TXNDC8: variants seen among roughly 807,000 people sequenced by gnomAD.
The protein encoded by TXNDC8 is thioredoxin domain containing 8, also known as thioredoxin domain-containing protein 8.
In TXNDC8, 15 loss-of-function variants were observed where a neutral mutation model predicts 12.9. That is an observed-to-expected ratio of 1.16 (90% confidence interval 0.78 to 1.79). The LOEUF (loss-of-function observed/expected upper bound fraction) is 1.79. TXNDC8 is among the 40% of genes most tolerant of loss of function. The pLI is 0.00. For missense variants in TXNDC8, 128 were observed against 113.2 expected (o/e 1.13, Z -0.59); for synonymous variants, 40 against 35.4 (o/e 1.13, Z -0.46).
intron 2 of TXNDC8, among the ~76,000 whole-genome samples, chr9:110,328,027 A>T (rs763813328): frequency 2.6e-5 from 4 of 152,214 alleles, no homozygotes; most frequent in African/African-American, 4.8e-5. Context: ...GGGAACTTCT[A>T]TTATGCTCTG....
At chr9:110,309,484 C>A (rs187437301) in intron 3 of TXNDC8, among the ~76,000 whole-genome samples, 1 of 152,254 alleles carries the variant, frequency 6.6e-6, no homozygotes, top group African/African-American at 2.4e-5. Context: ...TACAGGCATG[C>A]ACCACCATGC....
chr9:110,323,454 G>T (rs972100146), intron 3 of TXNDC8: 15 of 517,332 alleles, frequency 2.9e-5, no homozygotes, highest in Non-Finnish European at 3.7e-5. Flanking sequence ...TAAATTAGGT[G>T]CAGGGAGATC....
At position 110,305,147 on chromosome 9, in the gene TXNDC8, CAAA is replaced by C. The variant is rs769344640; in HGVS notation, c.196-618_196-616del. Among the ~76,000 whole-genome samples, 7 of 57,116 alleles carry C rather than the reference CAAA, an allele frequency of 1.2e-4. No homozygotes were observed. The East Asian group carries it at 2.2e-3, about 18-fold the overall frequency. The allele number at this position is 57,116 out of a possible 152,430, so 37.5% of individuals were successfully genotyped here. On this transcript the variant is annotated intron_variant, in intron 3 of 4. Coordinates refer to ENST00000423740, the MANE Select transcript of TXNDC8 (RefSeq NM_001286946.2). ...TGGGTGACAGAGAGAGATTCTGTCT[CAAA>C]AAAAAAAAAAAAAAAAAAAAGGAAT...
chr9:110,322,443 A>T (rs1227516741), intron 3 of TXNDC8: 1 of 985,322 alleles, frequency 1.0e-6, no homozygotes, highest in Non-Finnish European at 1.2e-6. Flanking sequence ...AAAGAGATAC[A>T]TATCCATTAG....
chr9:110,322,248 C>T (rs946735190), intron 3 of TXNDC8, among the ~76,000 whole-genome samples: 2 of 151,752 alleles, frequency 1.3e-5, no homozygotes, highest in Admixed American at 6.6e-5. Context: ...TAAATTGAAT[C>T]CTCAATAAAA....
intron 3 of TXNDC8, among the ~76,000 whole-genome samples, chr9:110,322,234 A>G (rs1839130249): frequency 6.6e-6 from 1 of 152,032 alleles, no homozygotes; most frequent in Non-Finnish European, 1.5e-5. Flanking sequence ...CTAATATTCA[A>G]TGATAAATTG....
chr9:110,326,142 A>G (rs745890812), intron 3 of TXNDC8, 33 bp downstream of exon 4: 1 of 1,612,302 alleles, frequency 6.2e-7, no homozygotes, highest in Non-Finnish European at 8.5e-7. Flanking sequence ...TCTATAATCT[A>G]ATTCAACCCT....
intron 1 of TXNDC8, among the ~76,000 whole-genome samples, chr9:110,334,748 G>C (rs1301370296): frequency 6.6e-6 from 1 of 152,196 alleles, no homozygotes; most frequent in East Asian, 1.9e-4. Context: ...AGGGATGGGG[G>C]CTGGAGGGTG....
chr9:110,308,647 T>G (rs886271353), intron 3 of TXNDC8, among the ~76,000 whole-genome samples: 2 of 152,048 alleles, frequency 1.3e-5, no homozygotes, highest in Non-Finnish European at 2.9e-5. Context: ...ATGCACTTGG[T>G]TTCTGTGTTT....
intron 2 of TXNDC8, among the ~76,000 whole-genome samples, chr9:110,332,716 A>G (rs774494321): frequency 1.2e-4 from 19 of 152,222 alleles, no homozygotes; most frequent in Non-Finnish European, 2.1e-4. Flanking sequence ...ATAAAATGTT[A>G]AAAACTGTTA....
chr9:110,332,442 T>C (rs1326205639), intron 2 of TXNDC8, among the ~76,000 whole-genome samples: 1 of 152,218 alleles, frequency 6.6e-6, no homozygotes, highest in Non-Finnish European at 1.5e-5. Context: ...TATAAGTTCA[T>C]TTTGAATTAA....
chr9:110,325,677 C>A (rs960606522), intron 3 of TXNDC8, among the ~76,000 whole-genome samples: 1 of 152,038 alleles, frequency 6.6e-6, no homozygotes, highest in Non-Finnish European at 1.5e-5. Flanking sequence ...CCCGCCACCA[C>A]GCCTGGCTAA....
chr9:110,329,287 A>T, intron 2 of TXNDC8: 1 of 1,605,900 alleles, frequency 6.2e-7, no homozygotes, highest in Non-Finnish European at 8.5e-7. Context: ...TTTCACAGAC[A>T]TAGCCTTCAA....
intron 3 of TXNDC8, among the ~76,000 whole-genome samples, chr9:110,305,582 CTT>C (rs1256694635): frequency 7.1e-6 from 1 of 140,328 alleles, no homozygotes; most frequent in African/African-American, 2.9e-5. Flanking sequence ...TTCTTTCTTT[CTT>C]TCTTTCTTTC....
At chr9:110,306,351 A>G (rs987619999) in intron 3 of TXNDC8, among the ~76,000 whole-genome samples, 1 of 152,172 alleles carries the variant, frequency 6.6e-6, no homozygotes, top group Admixed American at 6.5e-5. Flanking sequence ...GACTTTAGCA[A>G]TGGCTATATA....
At chr9:110,327,055 G>A (rs1482186270) in intron 2 of TXNDC8, among the ~76,000 whole-genome samples, 9 of 151,060 alleles carry the variant, frequency 6.0e-5, no homozygotes, top group South Asian at 4.2e-4. Context: ...AGACAATTAC[G>A]CATTTTGTTT....
chr9:110,304,619 C>T, intron 3 of TXNDC8, 87 bp from the exon 5 acceptor site: 1 of 1,284,886 alleles, frequency 7.8e-7, no homozygotes, highest in Non-Finnish European at 1.1e-6. Flanking sequence ...TGGCCTTGGC[C>T]AGGGAAGGAA....
At position 110,328,673 on chromosome 9, in the gene TXNDC8, GCA is replaced by G. The variant is rs1393101324; in HGVS notation, c.130-2435_130-2434del. Among the ~76,000 whole-genome samples, 5 of 152,188 alleles carry G rather than the reference GCA, an allele frequency of 3.3e-5. No individual in the cohort carries two copies. In the East Asian group the frequency reaches 9.6e-4, roughly 29 times the overall value. ...AATACAAAATTAGCCGGGCGTGGTG[GCA>G]CATGCCTGTAATCCCAGCGACTCGG... On this transcript the variant is annotated intron_variant, in intron 2 of 4. Coordinates refer to ENST00000423740, the MANE Select transcript of TXNDC8 (RefSeq NM_001286946.2).
At chr9:110,315,789 A>T (rs190148956) in intron 3 of TXNDC8, among the ~76,000 whole-genome samples, 67 of 109,208 alleles carry the variant, frequency 6.1e-4, no homozygotes, top group African/African-American at 2.4e-3. Flanking sequence ...CTGGAATTAC[A>T]GGTGTGAGCC....
Sources: allele counts gnomAD v4.1 joint callset (sites outside exome capture counted in the v4.1 genomes callset), GRCh38; gene constraint gnomAD v4.1.1; transcripts MANE v1.5; gene names NCBI Gene and HGNC (gene_info 2026-07-23, HGNC 2026-07-21).